The following NOL4 variants were observed in gnomAD, a reference collection of about 807,000 sequenced individuals.
NOL4 encodes cancer/testis antigen 125.
A neutral mutation model predicts 75.9 loss-of-function variants in NOL4; 17 were observed. The observed-to-expected ratio is 0.22, with a 90% CI of 0.15 to 0.34. The LOEUF (loss-of-function observed/expected upper bound fraction) is 0.34. Among genes scored for constraint, NOL4 ranks in the 10% least tolerant of loss-of-function variants. The pLI, the probability that NOL4 is intolerant of heterozygous loss-of-function variation, is 1.00. For missense variants in NOL4, 614 were observed against 793.5 expected (o/e 0.77, Z 2.72); for synonymous variants, 292 against 289.9 (o/e 1.01, Z -0.07).
chr18:34,002,370 C>G (rs1757289700), intron 6 of NOL4, among the ~76,000 whole-genome samples: 1 of 152,022 alleles, frequency 6.6e-6, no homozygotes, highest in South Asian at 2.1e-4. Context: ...GGGGCTAGAC[C>G]TTTAGCTTAG....
At chr18:33,892,670 TC>T (rs2065163490) in intron 9 of NOL4, among the ~76,000 whole-genome samples, 40 of 151,472 alleles carry the variant, frequency 2.6e-4, no homozygotes, top group African/African-American at 8.3e-4. Flanking sequence ...TTTTTTTCTT[TC>T]CTTTGAGATG....
chr18:34,094,044 AAAAC>A (rs912156160), intron 4 of NOL4, among the ~76,000 whole-genome samples: 14 of 152,292 alleles, frequency 9.2e-5, no homozygotes, highest in African/African-American at 2.6e-4. Context: ...TCGTCTCAAA[AAAAC>A]AAACAAACAA....
In NOL4 at chr18:34,193,589, C is replaced by A. The variant is rs780291505; in HGVS notation, c.264+29401G>T. On this transcript the variant is annotated intron_variant, in intron 1 of 10. Coordinates refer to ENST00000261592, the MANE Select transcript of NOL4 (RefSeq NM_003787.5). ...GCTATTCTTTTTAAAATATAAAAGTCTTTTGAGAAGATGTGGAGGAAAAAA... is the reference window on the plus strand; with the variant it reads ...GCTATTCTTTTTAAAATATAAAAGTATTTTGAGAAGATGTGGAGGAAAAAA... Among the ~76,000 whole-genome samples, 27 of 136,756 alleles carry A rather than the reference C, an allele frequency of 2.0e-4. No homozygotes were observed. In the Admixed American group the frequency reaches 2.0e-3, roughly 10 times the overall value. The allele number at this position is 136,756 out of a possible 152,430, so 89.7% of individuals were successfully genotyped here. A position where few individuals can be genotyped will look rare whatever the true frequency, so the allele number is the denominator to read the frequency against.
chr18:34,046,548 GTTAAGGTAGTAAATTGGC>G (rs2076371434), intron 5 of NOL4, among the ~76,000 whole-genome samples: 2 of 141,502 alleles, frequency 1.4e-5, no homozygotes, highest in South Asian at 4.5e-4. Context: ...AAAAACTTTG[GTTAAGGTAGTAAATTGGC>G]TAAGTCCCTG....
At position 33,852,435 on chromosome 18, in the gene NOL4, C is replaced by CTTTTTTTTTTTT; in HGVS notation, c.*395_*406dup. 8.0e-6 allele frequency: 1 copy of CTTTTTTTTTTTT among 125,384 alleles called. No individual in the cohort carries two copies. The highest frequency in any genetic ancestry group is 1.7e-5 in the Non-Finnish European group (1 of 59,392). 7.8% of individuals were successfully genotyped at this position (125,384 alleles called of 1,614,324 possible). A position where few individuals can be genotyped will look rare whatever the true frequency, so the allele number is the denominator to read the frequency against. On this transcript the variant is annotated 3_prime_UTR_variant, in exon 11 of 11. Transcript: ENST00000261592. Reference sequence around the variant, plus strand: ...AACAAGAAATTTGGCTTTTTTTTTTCTTTTTTTTTTTTTTGCCAGGTACTT... The same window carrying CTTTTTTTTTTTT: ...AACAAGAAATTTGGCTTTTTTTTTTCTTTTTTTTTTTTTTTTTTTTTTTTTTGCCAGGTACTT...
chr18:34,163,709 G>A (rs1408227923), intron 1 of NOL4, among the ~76,000 whole-genome samples: 1 of 152,044 alleles, frequency 6.6e-6, no homozygotes, highest in Admixed American at 6.6e-5. Context: ...CAAGCTACCA[G>A]TGACTTTCTT....
intron 4 of NOL4, among the ~76,000 whole-genome samples, chr18:34,098,019 A>C (rs781652244): frequency 4.6e-5 from 7 of 152,156 alleles, no homozygotes. Flanking sequence ...TAATTCATTA[A>C]AATTTTATTT....
Position 34,144,048 on chromosome 18 carries a change from A to G in NOL4, c.265-14028T>C, listed in dbSNP as rs374771853. ...AACGTGAAGTTGAAAAGAGAATCAC[A>G]ATAATCCTCCATTATATGGTATTTT... On this transcript the variant is annotated intron_variant, in intron 1 of 10. Coordinates refer to ENST00000261592, the MANE Select transcript of NOL4 (RefSeq NM_003787.5). Among the ~76,000 whole-genome samples, 4 of 152,084 alleles carry G rather than the reference A, an allele frequency of 2.6e-5. No individual in the cohort carries two copies. In the East Asian group the frequency reaches 7.7e-4, roughly 29 times the overall value.
At chr18:33,966,161 TA>T (rs1204811376) in intron 6 of NOL4, among the ~76,000 whole-genome samples, 2 of 152,170 alleles carry the variant, frequency 1.3e-5, no homozygotes, top group Non-Finnish European at 2.9e-5. Flanking sequence ...CCACATTTTG[TA>T]AAGCCTGAAA....
Position 34,175,224 on chromosome 18 carries a change from A to T in NOL4, c.265-45204T>A, listed in dbSNP as rs149864460. 5.1e-3 allele frequency among the ~76,000 whole-genome samples: 779 copies of T among 152,240 alleles called. 9 individuals are homozygous for T. The highest frequency in any genetic ancestry group is 0.018 in the African/African-American group (734 of 41,544). ...CTCAATCCTAAAGAATTATCACATT[A>T]TTTTACATGTCTAGTGCTTCCATGG... On this transcript the variant is annotated intron_variant, in intron 1 of 10. Transcript: ENST00000261592.
intron 6 of NOL4, among the ~76,000 whole-genome samples, chr18:33,979,588 T>G (rs954005974): frequency 1.3e-5 from 2 of 151,922 alleles, no homozygotes; most frequent in African/African-American, 4.8e-5. Flanking sequence ...CCATAAATGT[T>G]GAGGAACTTA....
chr18:34,161,964 T>G (rs2031549317), intron 1 of NOL4, among the ~76,000 whole-genome samples: 1 of 152,146 alleles, frequency 6.6e-6, no homozygotes, highest in Admixed American at 6.5e-5. Flanking sequence ...TATTTAATTT[T>G]TAATTTAATT....
At chr18:34,140,028 A>C (rs533240742) in intron 1 of NOL4, among the ~76,000 whole-genome samples, 2 of 152,284 alleles carry the variant, frequency 1.3e-5, no homozygotes, top group South Asian at 2.1e-4. Flanking sequence ...GTTTGATTGC[A>C]CTGTGGTCTG....
At chr18:33,951,045 T>A (rs1217555935) in intron 8 of NOL4, among the ~76,000 whole-genome samples, 1 of 152,182 alleles carries the variant, frequency 6.6e-6, no homozygotes, top group Non-Finnish European at 1.5e-5. Context: ...AATCAACAAG[T>A]AGCAACTGGA....
chr18:34,174,177 G>A (rs891503841), intron 1 of NOL4, among the ~76,000 whole-genome samples: 24 of 152,178 alleles, frequency 1.6e-4, no homozygotes, highest in African/African-American at 3.4e-4. Flanking sequence ...TAGGGGACCC[G>A]AAACTAAAGT....
At chr18:34,033,916 A>T (rs190461012) in intron 5 of NOL4, among the ~76,000 whole-genome samples, 22 of 152,256 alleles carry the variant, frequency 1.4e-4, no homozygotes, top group Admixed American at 6.5e-4. Context: ...AGAAAAAAAA[A>T]ATCACGAAGG....
intron 1 of NOL4, among the ~76,000 whole-genome samples, chr18:34,164,851 A>G (rs2032096561): frequency 6.6e-6 from 1 of 151,970 alleles, no homozygotes; most frequent in African/African-American, 2.4e-5. Flanking sequence ...CAAATGTCCA[A>G]CAATGATAGA....
chr18:34,128,838 A>T, intron 2 of NOL4: 1 of 974,536 alleles, frequency 1.0e-6, no homozygotes, highest in Non-Finnish European at 1.2e-6. Context: ...CTAATTTTCA[A>T]ACATAGGTAC....
In NOL4 at chr18:34,180,333, G is replaced by A. The variant is rs116909292; in HGVS notation, c.264+42657C>T. 8.4e-3 allele frequency among the ~76,000 whole-genome samples: 1,278 copies of A among 151,568 alleles called. 4 individuals are homozygous for A. Among genetic ancestry groups the A allele is most frequent in the Middle Eastern group, 0.034 (10 of 294 alleles). ...CATATGGATAAATGCAAAGCTGATG[G>A]AATAGATAAAAATTAGCAATGTAAT... is the stretch of plus-strand genomic sequence containing the variant. On this transcript the variant is annotated intron_variant, in intron 1 of 10. Transcript: ENST00000261592.
Sources: allele counts gnomAD v4.1 joint callset (sites outside exome capture counted in the v4.1 genomes callset), GRCh38; gene constraint gnomAD v4.1.1; transcripts MANE v1.5; gene names NCBI Gene and HGNC (gene_info 2026-07-23, HGNC 2026-07-21).